The following SGCZ variants were observed in gnomAD, a reference collection of about 807,000 sequenced individuals.
SGCZ encodes the protein sarcoglycan zeta, also known as zeta-sarcoglycan.
SGCZ carries 40 observed loss-of-function variants against 41.3 expected under a neutral mutation model. That is an observed-to-expected ratio of 0.97 (90% CI 0.75 to 1.26). The LOEUF is 1.26. SGCZ is among the 50% of genes most tolerant of loss of function. The probability of loss-of-function intolerance (pLI) is 0.00; values close to 1 mark genes in which losing one functional copy is unlikely to be tolerated. For synonymous variants in SGCZ, 206 were observed against 137.5 expected, an observed-to-expected ratio of 1.50 and a Z score of -3.49; for missense variants, 552 against 369.8, an observed-to-expected ratio of 1.49 and a Z score of -4.04.
chr8:15,171,697 C>A (rs965089164), intron 1 of SGCZ, among the ~76,000 whole-genome samples: 3 of 152,192 alleles, frequency 2.0e-5, no homozygotes, highest in African/African-American at 7.2e-5. Context: ...GCCCTTGATC[C>A]TCTTCCTTTT....
chr8:14,337,844 A>T (rs1802556402), intron 2 of SGCZ, among the ~76,000 whole-genome samples: 1 of 152,166 alleles, frequency 6.6e-6, no homozygotes, highest in Non-Finnish European at 1.5e-5. Flanking sequence ...CACTTTTAGC[A>T]ATGGAGATGG....
At position 15,187,817 on chromosome 8, in the gene SGCZ, T is replaced by G. The variant is rs181242077; in HGVS notation, c.39+49768A>C. Among the ~76,000 whole-genome samples the G allele has an allele frequency of 2.8e-3, 424 of 152,122 alleles. 4 individuals are homozygous for G. The highest frequency in any genetic ancestry group is 9.7e-3 in the African/African-American group (401 of 41,552). On this transcript the variant is annotated intron_variant, in intron 1 of 7. Transcript: ENST00000382080. ...GGATTTTTTTTCCAATTCAAGTGCT[T>G]TCTCCAAATGTAGCATTTAAATTCC...
At chr8:14,698,767 A>G (rs1420410686) in intron 1 of SGCZ, among the ~76,000 whole-genome samples, 1 of 151,948 alleles carries the variant, frequency 6.6e-6, no homozygotes, top group Non-Finnish European at 1.5e-5. Flanking sequence ...TAATTCACCC[A>G]GACAGCTGAT....
At chr8:14,778,889 G>A (rs768065056) in intron 1 of SGCZ, among the ~76,000 whole-genome samples, 1 of 152,124 alleles carries the variant, frequency 6.6e-6, no homozygotes, top group Admixed American at 6.5e-5. Context: ...AAGTTATATC[G>A]CCATTCGTGA....
At chr8:14,504,740 G>T (rs921136429) in intron 2 of SGCZ, among the ~76,000 whole-genome samples, 2 of 151,892 alleles carry the variant, frequency 1.3e-5, no homozygotes, top group African/African-American at 4.8e-5. Context: ...ACTTCTTTAT[G>T]GCACTTCTGC....
chr8:14,817,941 C>T (rs1431463539), intron 1 of SGCZ, among the ~76,000 whole-genome samples: 1 of 152,190 alleles, frequency 6.6e-6, no homozygotes, highest in Non-Finnish European at 1.5e-5. Context: ...GTGGACCTGT[C>T]CACTTTAATA....
At chr8:14,502,006 CCT>C (rs1045179045) in intron 2 of SGCZ, among the ~76,000 whole-genome samples, 7 of 151,910 alleles carry the variant, frequency 4.6e-5, no homozygotes, top group Non-Finnish European at 8.8e-5. Context: ...TTGGGTACAA[CCT>C]TTTTTAAAAA....
At chr8:14,728,610 G>A (rs986380308) in intron 1 of SGCZ, among the ~76,000 whole-genome samples, 11 of 151,966 alleles carry the variant, frequency 7.2e-5, no homozygotes, top group African/African-American at 2.4e-4. Context: ...TTCTGATAAG[G>A]AGAAATTTCT....
In SGCZ at chr8:15,227,696, G is replaced by A. The variant is rs562440831; in HGVS notation, c.39+9889C>T. On this transcript the variant is annotated intron_variant, in intron 1 of 7. Transcript: ENST00000382080. ...TGACACTGTTCGTCAATAAGACAAC[G>A]GGAAAAAATGAGATTTCAATTGTTT... is the stretch of plus-strand genomic sequence containing the variant. Among the ~76,000 whole-genome samples the A allele has an allele frequency of 3.9e-5, 6 of 152,148 alleles. No individual in the cohort carries two copies. In the South Asian group the frequency reaches 1.0e-3, roughly 26 times the overall value.
intron 1 of SGCZ, among the ~76,000 whole-genome samples, chr8:14,919,036 G>T (rs879850486): frequency 6.6e-6 from 1 of 152,182 alleles, no homozygotes; most frequent in South Asian, 2.1e-4. Context: ...TATCATGTCA[G>T]TGGAGATAAT....
At chr8:15,218,678 A>T (rs1016708015) in intron 1 of SGCZ, among the ~76,000 whole-genome samples, 1 of 152,146 alleles carries the variant, frequency 6.6e-6, no homozygotes, top group South Asian at 2.1e-4. Flanking sequence ...TTTACAGCCC[A>T]ATCATGTTTC....
intron 1 of SGCZ, among the ~76,000 whole-genome samples, chr8:15,216,223 C>CTT (rs34383864): frequency 0.034 from 4,271 of 125,856 alleles, 178 homozygotes; most frequent in African/African-American, 0.064. Context: ...CTTTTTTTTT[C>CTT]TTTTTTTTTT....
chr8:15,202,483 C>G (rs1234958799), intron 1 of SGCZ, among the ~76,000 whole-genome samples: 1 of 152,008 alleles, frequency 6.6e-6, no homozygotes, highest in East Asian at 1.9e-4. Flanking sequence ...GTACAACGGA[C>G]TTTGAGGTCT....
At chr8:14,655,380 A>G (rs1300596267) in intron 1 of SGCZ, among the ~76,000 whole-genome samples, 1 of 152,114 alleles carries the variant, frequency 6.6e-6, no homozygotes, top group Non-Finnish European at 1.5e-5. Context: ...TGTTCCTGTA[A>G]TCATTTATTT....
At chr8:14,893,397 T>A (rs76728147) in intron 1 of SGCZ, among the ~76,000 whole-genome samples, 8,663 of 152,210 alleles carry the variant, frequency 0.057, 307 homozygotes, top group Admixed American at 0.08. Context: ...TTCTGGCCTA[T>A]AAAATGATAA....
intron 1 of SGCZ, among the ~76,000 whole-genome samples, chr8:15,164,863 G>T (rs1046650203): frequency 1.3e-5 from 2 of 152,108 alleles, no homozygotes; most frequent in Non-Finnish European, 2.9e-5. Context: ...GCTTTGCTTA[G>T]CAGTCCTGAC....
intron 1 of SGCZ, among the ~76,000 whole-genome samples, chr8:14,831,182 T>C (rs1387108763): frequency 6.6e-6 from 1 of 152,140 alleles, no homozygotes; most frequent in Non-Finnish European, 1.5e-5. Flanking sequence ...CTAATAAAAA[T>C]GTTATAGAGT....
intron 5 of SGCZ, among the ~76,000 whole-genome samples, chr8:14,143,846 T>A (rs1253093095): frequency 1.3e-5 from 2 of 152,152 alleles, no homozygotes; most frequent in Non-Finnish European, 2.9e-5. Flanking sequence ...GGGTGAGGGA[T>A]AACACGGCAA....
At chr8:15,048,548 T>C (rs981706206) in intron 1 of SGCZ, among the ~76,000 whole-genome samples, 1 of 152,114 alleles carries the variant, frequency 6.6e-6, no homozygotes, top group African/African-American at 2.4e-5. Context: ...TATCCTGACT[T>C]GATCATTACA....
Sources: gnomAD v4.1 joint callset for allele counts (sites outside exome capture counted in the v4.1 genomes callset) on GRCh38, gnomAD v4.1.1 for gene constraint, MANE v1.5 for transcripts, NCBI Gene and HGNC (gene_info 2026-07-23, HGNC 2026-07-21) for gene names.